RHOQ: variants seen among roughly 807,000 people sequenced by gnomAD.
RHOQ encodes the protein ras homolog family member Q, also known as rho-related GTP-binding protein RhoQ.
Under a neutral mutation model 25.8 loss-of-function variants are expected in RHOQ, and 7 were observed. The ratio of observed to expected loss-of-function variants is 0.27; its 90% CI spans 0.15 to 0.51. The LOEUF is 0.51. Ranked by LOEUF, RHOQ falls within the 20% of genes least tolerant of loss-of-function variation. The pLI is 0.97. For missense variants in RHOQ, 165 were observed against 260.6 expected, an observed-to-expected ratio of 0.63 and a Z score of 2.53; for synonymous variants, 97 against 98.6, an observed-to-expected ratio of 0.98 and a Z score of 0.10.
At chr2:46,565,011 T>G (rs957178245) in intron 2 of RHOQ, among the ~76,000 whole-genome samples, 3 of 152,156 alleles carry the variant, frequency 2.0e-5, no homozygotes, top group African/African-American at 7.2e-5. Context: ...TGGCAAATCC[T>G]TTTATAGTGT....
intron 2 of RHOQ, among the ~76,000 whole-genome samples, chr2:46,554,082 C>T (rs1341113682): frequency 2.0e-5 from 3 of 150,928 alleles, no homozygotes; most frequent in East Asian, 1.9e-4. Context: ...CAGTTCTATC[C>T]ATGTTGTTGC....
chr2:46,546,169 G>C (rs960861795), intron 2 of RHOQ, among the ~76,000 whole-genome samples: 2 of 151,840 alleles, frequency 1.3e-5, no homozygotes, highest in Non-Finnish European at 2.9e-5. Context: ...CTGGTACTAT[G>C]TCCAGGTACT....
intron 2 of RHOQ, among the ~76,000 whole-genome samples, chr2:46,554,759 G>A (rs6734476): frequency 6.6e-6 from 1 of 150,622 alleles, no homozygotes; most frequent in Admixed American, 6.6e-5. Context: ...ATTCTCCTGC[G>A]CCTGCTCTTT....
Position 46,583,894 on chromosome 2 carries a change from GA to G in RHOQ, c.*2812del, listed in dbSNP as rs1558697991. Reference sequence around the variant, plus strand: ...TTGAGTTAATCAGTGTTTGCATATAGAGAATTAGTTCTAAAGTTCTTAAAAA... The same window carrying G: ...TTGAGTTAATCAGTGTTTGCATATAGGAATTAGTTCTAAAGTTCTTAAAAA... On this transcript the variant is annotated 3_prime_UTR_variant, in exon 5 of 5. Coordinates refer to ENST00000238738, the MANE Select transcript of RHOQ (RefSeq NM_012249.4). Among the ~76,000 whole-genome samples, 1 of 152,160 alleles carries G rather than the reference GA, an allele frequency of 6.6e-6. No individual in the cohort carries two copies. Among genetic ancestry groups the G allele is most frequent in the Non-Finnish European group, 1.5e-5 (1 of 67,996 alleles).
chr2:46,570,718 T>C (rs1040516215), intron 2 of RHOQ, among the ~76,000 whole-genome samples: 1 of 152,212 alleles, frequency 6.6e-6, no homozygotes. Context: ...GAATTGCTAC[T>C]GCACAGACCA....
chr2:46,546,129 G>A (rs1260775860), intron 2 of RHOQ, among the ~76,000 whole-genome samples: 1 of 151,884 alleles, frequency 6.6e-6, no homozygotes, highest in Non-Finnish European at 1.5e-5. Context: ...TAGCAATGAT[G>A]AGACCAAATG....
In RHOQ at chr2:46,576,223, A is replaced by G; in HGVS notation, c.338A>G (p.Asn113Ser). ...WVPELKEYAP[N>S]VPFLLIGTQI... ...CCGGAACTTAAGGAATACGCACCAA[A>G]TGTACCCTTTTTATTAATAGGAACT... The change falls in exon 3 of 5, where the codon AAT (asparagine) becomes AGT (serine). Residue 113 changes from asparagine to serine, a missense_variant. Physicochemically the swap from Asn to Ser is conservative, Grantham distance 46. Transcript: ENST00000238738. This position sits in a 1 kb window ranked among gnomAD's most constrained non-coding sequence, Gnocchi z 5.1. 6.2e-7 allele frequency: 1 copy of G among 1,609,364 alleles called. No individual in the cohort carries two copies.
intron 2 of RHOQ, chr2:46,560,459 G>A: frequency 2.5e-6 from 1 of 394,802 alleles, no homozygotes; most frequent in Non-Finnish European, 5.2e-6. Flanking sequence ...CAAAGTTATA[G>A]TGGTGGATAT....
Position 46,576,650 on chromosome 2 carries a change from A to T in RHOQ, c.456A>T (p.Ala152=). The T allele has an allele frequency of 6.3e-7, 1 of 1,579,058 alleles. No individual in the cohort carries two copies. Among genetic ancestry groups the T allele is most frequent in the East Asian group, 2.2e-5 (1 of 44,686 alleles). ...GTGTGGAACAAGGACAGAAACTAGC[A>T]AAAGAGGTAATGGAACACTCACAGA... ...PICVEQGQKL[A]KEIGACCYVE... Residue 152 remains alanine (A), a synonymous_variant, in exon 4 of 5, where the codon GCA becomes GCT. Coordinates refer to ENST00000238738, the MANE Select transcript of RHOQ (RefSeq NM_012249.4). This position sits in a 1 kb window ranked among gnomAD's most constrained non-coding sequence, Gnocchi z 5.1.
chr2:46,574,767 G>A (rs1669052998), intron 2 of RHOQ, among the ~76,000 whole-genome samples: 1 of 152,186 alleles, frequency 6.6e-6, no homozygotes, highest in Admixed American at 6.5e-5. Flanking sequence ...ACATGCTTTA[G>A]TTGAAAGTTA....
intron 2 of RHOQ, among the ~76,000 whole-genome samples, chr2:46,565,773 C>T (rs955826440): frequency 3.3e-5 from 5 of 152,338 alleles, no homozygotes; most frequent in Non-Finnish European, 4.4e-5. Context: ...TAATAAGCTG[C>T]GACCATGAGC....
In RHOQ at chr2:46,560,422, T is replaced by C. The variant is rs1668538212; in HGVS notation, c.202-15665T>C. ...ACTTAACTGAAGTCTTCTCTTTTTT[T>C]ATAGTTAGAAACATAAATATGAAGA... On this transcript the variant is annotated intron_variant, in intron 2 of 4. Coordinates refer to ENST00000238738, the MANE Select transcript of RHOQ (RefSeq NM_012249.4). The C allele has an allele frequency of 8.8e-6, 3 of 340,932 alleles. No homozygotes were observed. In the Admixed American group the frequency reaches 1.1e-4, roughly 13 times the overall value. 21.1% of individuals were successfully genotyped at this position (340,932 alleles called of 1,614,324 possible).
Position 46,581,815 on chromosome 2 carries a change from T to G in RHOQ, c.*732T>G. On this transcript the variant is annotated 3_prime_UTR_variant, in exon 5 of 5. Transcript: ENST00000238738. ...GGCTTCTGGCAATTGTAGATTTAGT[T>G]TGACGCTCCCCAAAGTGCATGAGAC... 2.0e-6 allele frequency: 1 copy of G among 501,576 alleles called. No homozygotes were observed. Among genetic ancestry groups the G allele is most frequent in the Non-Finnish European group, 3.1e-6 (1 of 318,572 alleles). The allele number at this position is 501,576 out of a possible 1,614,324, so 31.1% of individuals were successfully genotyped here.
chr2:46,545,858 A>C (rs74869223), intron 2 of RHOQ, among the ~76,000 whole-genome samples: 1 of 152,174 alleles, frequency 6.6e-6, no homozygotes, highest in Non-Finnish European at 1.5e-5. Context: ...AGTTGACCCC[A>C]CTTACAAAAC....
intron 2 of RHOQ, chr2:46,560,636 A>C (rs1004578621): frequency 8.8e-6 from 4 of 456,284 alleles, no homozygotes; most frequent in Admixed American, 7.0e-5. Context: ...TCCAGTGGCC[A>C]GGATCTGTTG....
rs1668024059 is a variant in RHOQ at position 46,545,749 on chromosome 2, A to C, written c.201+1937A>C. Among the ~76,000 whole-genome samples the C allele has an allele frequency of 1.3e-5, 2 of 152,250 alleles. 1 individual carries two copies. Among genetic ancestry groups the C allele is most frequent in the South Asian group, 4.1e-4 (2 of 4,824 alleles). On this transcript the variant is annotated intron_variant, in intron 2 of 4. Transcript: ENST00000238738. ...ACGGGGTTGATTGGATTGTTTGTGC[A>C]TCCATAGTTGTGGTACCTGTAATCT...
chr2:46,566,436 A>C lies in RHOQ; in HGVS notation c.202-9651A>C, dbSNP rs1668734450. 6.6e-6 allele frequency among the ~76,000 whole-genome samples: 1 copy of C among 152,082 alleles called. No homozygotes were observed. Among genetic ancestry groups the C allele is most frequent in the Non-Finnish European group, 1.5e-5 (1 of 68,020 alleles). On this transcript the variant is annotated intron_variant, in intron 2 of 4. Transcript: ENST00000238738. This position sits in a 1 kb window ranked among gnomAD's most constrained non-coding sequence, Gnocchi z 4.2. ...CCCTCTAAAAGATGCCATATCATCT[A>C]GATATATCCAGAATATATCTAGAAT... is the stretch of plus-strand genomic sequence containing the variant.
chr2:46,565,118 A>T (rs1206634355), intron 2 of RHOQ, among the ~76,000 whole-genome samples: 1 of 152,164 alleles, frequency 6.6e-6, no homozygotes, highest in African/African-American at 2.4e-5. Flanking sequence ...GCCAGTGAAT[A>T]CTTTGCTCTG....
In RHOQ at chr2:46,576,703, A is replaced by C. The variant is rs766559792; in HGVS notation, c.462+47A>C. On this transcript the variant is annotated intron_variant, in intron 4 of 4. Coordinates refer to ENST00000238738, the MANE Select transcript of RHOQ (RefSeq NM_012249.4). The surrounding 1 kb of genome is among the most constrained non-coding windows in gnomAD (Gnocchi z 5.1). ...TTAAGCATGAATGTAAAAGATGCTA[A>C]GATAACAATAGAAGCTAATTTTATT... The C allele has an allele frequency of 8.0e-7, 1 of 1,251,340 alleles. No homozygotes were observed. Among genetic ancestry groups the C allele is most frequent in the South Asian group, 1.3e-5 (1 of 77,850 alleles). The allele number at this position is 1,251,340 out of a possible 1,614,324, so 77.5% of individuals were successfully genotyped here.
Sources: gnomAD v4.1 joint callset for allele counts (sites outside exome capture counted in the v4.1 genomes callset) on GRCh38, gnomAD v4.1.1 for gene constraint, Gnocchi (gnomAD v3.1) non-coding constraint, MANE v1.5 for transcripts, NCBI Gene and HGNC (gene_info 2026-07-23, HGNC 2026-07-21) for gene names.